C7: variants seen among roughly 807,000 people sequenced by gnomAD.
C7 encodes complement C7.
C7 carries 83 observed loss-of-function variants against 104.8 expected under a neutral mutation model. The observed-to-expected ratio is 0.79, with a 90% CI of 0.66 to 0.95. C7 has a LOEUF of 0.95. Ranked by LOEUF, C7 falls within the 40% of genes least tolerant of loss-of-function variation. The probability of loss-of-function intolerance (pLI) is 0.00; values close to 1 mark genes in which losing one functional copy is unlikely to be tolerated. For missense variants in C7, 1,070 were observed against 1,011.2 expected, an observed-to-expected ratio of 1.06 and a Z score of -0.79; for synonymous variants, 415 against 360.6, an observed-to-expected ratio of 1.15 and a Z score of -1.71.
At chr5:40,968,592 ATATATATATTTTTTTTTTTTTTTTT>A (rs1740618843) in intron 14 of C7, among the ~76,000 whole-genome samples, 9 of 34,006 alleles carry the variant, frequency 2.6e-4, no homozygotes, top group South Asian at 9.2e-4. Context: ...ATATATATAT[ATATATATATTTTTTTTTTTTTTTTT>A]TTTTTTTTTT....
At chr5:40,928,113 T>C (rs1365769816) in intron 1 of C7, among the ~76,000 whole-genome samples, 1 of 152,146 alleles carries the variant, frequency 6.6e-6, no homozygotes, top group African/African-American at 2.4e-5. Flanking sequence ...TATGACAACA[T>C]AGATGGAATT....
chr5:40,933,053 G>A (rs890932327), intron 3 of C7, among the ~76,000 whole-genome samples: 4 of 152,102 alleles, frequency 2.6e-5, no homozygotes, highest in Non-Finnish European at 5.9e-5. Context: ...CACATGAGCG[G>A]TATCTTCATC....
chr5:40,949,493 G>A (rs1418072493), intron 8 of C7, among the ~76,000 whole-genome samples: 2 of 152,102 alleles, frequency 1.3e-5, no homozygotes, highest in Non-Finnish European at 2.9e-5. Context: ...AGTAGAACTT[G>A]AATTTTAGGA....
At chr5:40,979,596 C>CTT (rs35148902) in intron 16 of C7, 129 bp from the exon 17 acceptor site, 68 of 512,312 alleles carry the variant, frequency 1.3e-4, no homozygotes, top group Middle Eastern at 5.4e-4. Context: ...GAGTTTCCAC[C>CTT]TTTTTTTTTT....
chr5:40,957,828 T>C (rs1168633290), intron 10 of C7, among the ~76,000 whole-genome samples: 2 of 151,314 alleles, frequency 1.3e-5, no homozygotes, highest in Non-Finnish European at 2.9e-5. Context: ...TCCTCCCCCA[T>C]GTGACCCTAA....
At position 40,981,493 on chromosome 5, in the gene C7, T is replaced by G. The variant is rs1272861412; in HGVS notation, c.2452T>G (p.Cys818Gly). 6.2e-7 allele frequency: 1 copy of G among 1,613,760 alleles called. No individual in the cohort carries two copies. The highest frequency in any genetic ancestry group is 1.7e-5 in the Admixed American group (1 of 60,002). ...CGGCAAGGAGCAGACGATGTCTGAG[T>G]GTGAGGCGGGCGCTCTGAGATGCAG... is the stretch of plus-strand genomic sequence containing the variant. ...VNGKEQTMSE[C>G]EAGALRCRGQ... Residue 818 changes from cysteine (C) to glycine (G), a missense_variant, in exon 18 of 18, where the codon TGT becomes GGT. Physicochemically the swap from Cys to Gly is radical, Grantham distance 159. Transcript: ENST00000313164.
Position 40,981,464 on chromosome 5 carries a change from T to G in C7, c.2423T>G (p.Val808Gly). The G allele has an allele frequency of 6.2e-7, 1 of 1,613,782 alleles. No homozygotes were observed. The highest frequency in any genetic ancestry group is 8.5e-7 in the Non-Finnish European group (1 of 1,179,792). ...GAAGGGTTTAGCATTTGTGTGGAAGTGAACGGCAAGGAGCAGACGATGTCT... is the reference window on the plus strand; with the variant it reads ...GAAGGGTTTAGCATTTGTGTGGAAGGGAACGGCAAGGAGCAGACGATGTCT... ...EEEGFSICVEVNGKEQTMSEC... is the reference protein window; with the variant it reads ...EEEGFSICVEGNGKEQTMSEC... The change falls in exon 18 of 18, where the codon GTG (valine) becomes GGG (glycine). Residue 808 changes from valine (V) to glycine (G), a missense_variant. Transcript: ENST00000313164.
At chr5:40,975,308 G>C (rs1313869893) in intron 15 of C7, among the ~76,000 whole-genome samples, 1 of 151,132 alleles carries the variant, frequency 6.6e-6, no homozygotes, top group Admixed American at 6.6e-5. Flanking sequence ...TATGTTCTAG[G>C]GTCCAGTTCA....
At position 40,911,728 on chromosome 5, in the gene C7, TTTTC is replaced by T. The variant is rs957080800; in HGVS notation, c.6+2124_6+2127del. Among the ~76,000 whole-genome samples, 71 of 150,274 alleles carry T rather than the reference TTTTC, an allele frequency of 4.7e-4. No homozygotes were observed. In the South Asian group the frequency reaches 0.014, roughly 30 times the overall value. On this transcript the variant is annotated intron_variant, in intron 1 of 17. Coordinates refer to ENST00000313164, the MANE Select transcript of C7 (RefSeq NM_000587.4). ...ACACAGAACAAAAATACCACACACT[TTTTC>T]TTTCTTTCTTTTTTTTTTTTTTTTG...
chr5:40,934,260 GA>G, intron 3 of C7, 64 bp from the exon 4 acceptor site: 3 of 1,390,982 alleles, frequency 2.2e-6, no homozygotes, highest in Non-Finnish European at 2.8e-6. Flanking sequence ...TCAGATAAAG[GA>G]AACTAGAGAT....
rs761723697 is a variant in C7 at position 40,956,968 on chromosome 5, G to T, written c.1261-1065G>T. On this transcript the variant is annotated intron_variant, in intron 10 of 17. Transcript: ENST00000313164. Reference sequence around the variant, plus strand: ...AGTCTCCATGTACTTTTCCACATAGGACTATAAATTATCATATTTGTGCTA... The same window carrying T: ...AGTCTCCATGTACTTTTCCACATAGTACTATAAATTATCATATTTGTGCTA... 2.0e-5 allele frequency among the ~76,000 whole-genome samples: 3 copies of T among 152,284 alleles called. No individual in the cohort carries two copies. The East Asian group carries it at 5.8e-4, about 29-fold the overall frequency.
chr5:40,959,982 T>C (rs1183067023), intron 12 of C7, among the ~76,000 whole-genome samples: 2 of 152,236 alleles, frequency 1.3e-5, no homozygotes, highest in Non-Finnish European at 2.9e-5. Context: ...TGTTTATTGT[T>C]ACTGTCAGAA....
At chr5:40,933,138 C>A (rs324056) in intron 3 of C7, among the ~76,000 whole-genome samples, 18,995 of 152,104 alleles carry the variant, frequency 0.12, 1,278 homozygotes, top group Admixed American at 0.15. Flanking sequence ...CTCTGTGGCT[C>A]CTTTGCTTAA....
chr5:40,929,336 C>T (rs1739627502), intron 2 of C7, among the ~76,000 whole-genome samples: 1 of 152,136 alleles, frequency 6.6e-6, no homozygotes, highest in Non-Finnish European at 1.5e-5. Flanking sequence ...TCCTAAGTCT[C>T]CATGTTTGGG....
chr5:40,930,213 T>G (rs1185742711), intron 2 of C7, among the ~76,000 whole-genome samples: 1 of 150,084 alleles, frequency 6.7e-6, no homozygotes, highest in Non-Finnish European at 1.5e-5. Flanking sequence ...TCTTTTTTTT[T>G]TTTTTTTTTT....
At chr5:40,944,698 A>G (rs1740009203) in intron 6 of C7, among the ~76,000 whole-genome samples, 1 of 152,240 alleles carries the variant, frequency 6.6e-6, no homozygotes, top group Non-Finnish European at 1.5e-5. Context: ...AGCAAAGAAA[A>G]AAATGCAATT....
rs1740999724 is a variant in C7 at position 40,983,571 on chromosome 5, TC to T, written c.*1999del. ...AAATACTGTATTTTTTTCCTCCTTTTCTTTTCTGAACATTCTTGTGCTGACC... is the reference window on the plus strand; with the variant it reads ...AAATACTGTATTTTTTTCCTCCTTTTTTTTCTGAACATTCTTGTGCTGACC... On this transcript the variant is annotated 3_prime_UTR_variant, in exon 18 of 18. Coordinates refer to ENST00000313164, the MANE Select transcript of C7 (RefSeq NM_000587.4). 6.6e-6 allele frequency among the ~76,000 whole-genome samples: 1 copy of T among 152,174 alleles called. No individual in the cohort carries two copies. Among genetic ancestry groups the T allele is most frequent in the African/African-American group, 2.4e-5 (1 of 41,458 alleles).
At chr5:40,948,415 T>C (rs1740096416) in intron 8 of C7, among the ~76,000 whole-genome samples, 1 of 152,106 alleles carries the variant, frequency 6.6e-6, no homozygotes, top group Non-Finnish European at 1.5e-5. Context: ...TGCCCCACAG[T>C]GAGAAATAGA....
At chr5:40,939,976 G>A (rs1364864382) in intron 6 of C7, among the ~76,000 whole-genome samples, 6 of 152,210 alleles carry the variant, frequency 3.9e-5, no homozygotes, top group Non-Finnish European at 8.8e-5. Context: ...ATGAGGAACA[G>A]AGATGTTTTG....
Sources: gnomAD v4.1 joint callset for allele counts (sites outside exome capture counted in the v4.1 genomes callset) on GRCh38, gnomAD v4.1.1 for gene constraint, MANE v1.5 for transcripts, NCBI Gene and HGNC (gene_info 2026-07-23, HGNC 2026-07-21) for gene names.